NID1: variants seen among roughly 807,000 people sequenced by gnomAD.
NID1 encodes the protein nidogen-1.
A neutral mutation model predicts 130.6 loss-of-function variants in NID1; 76 were observed. The observed-to-expected ratio is 0.58, with a 90% CI of 0.48 to 0.70. The LOEUF (loss-of-function observed/expected upper bound fraction) is 0.70. Among genes scored for constraint, NID1 ranks in the 30% least tolerant of loss-of-function variants. NID1 has a pLI of 0.00. For synonymous variants in NID1, 665 were observed against 675.1 expected (o/e 0.98, Z 0.23); for missense variants, 1,517 against 1,664.8 (o/e 0.91, Z 1.54).
In NID1 at chr1:235,991,045, C is replaced by A; in HGVS notation, c.2769G>T (p.Val923=). The A allele has an allele frequency of 3.1e-6, 5 of 1,598,308 alleles. 1 individual carries two copies. The South Asian group carries it at 5.7e-5, about 18-fold the overall frequency. ...CAGGTCCTTGGTGAATCGGGGGAGC[C>A]ACTGTACTCAGACCTGCATGGCAGA... ...PGMTPPCLST[V]APPIHQGPAV... The change falls in exon 14 of 20, where the codon GTG becomes GTT. Residue 923 remains valine, a synonymous_variant. Coordinates refer to ENST00000264187, the MANE Select transcript of NID1 (RefSeq NM_002508.3).
At chr1:236,024,779 G>A (rs530396060) in intron 8 of NID1, among the ~76,000 whole-genome samples, 2 of 152,316 alleles carry the variant, frequency 1.3e-5, no homozygotes, top group South Asian at 2.1e-4. Flanking sequence ...CAAATGTGAA[G>A]TCTGACACTG....
intron 15 of NID1, among the ~76,000 whole-genome samples, chr1:235,984,697 C>T (rs1012274211): frequency 3.9e-5 from 6 of 152,146 alleles, no homozygotes; most frequent in African/African-American, 1.4e-4. Context: ...AATACTTGAC[C>T]ATTTCAGCAC....
chr1:236,052,363 G>A (rs1043159193), intron 1 of NID1, among the ~76,000 whole-genome samples: 4 of 152,180 alleles, frequency 2.6e-5, no homozygotes, highest in Admixed American at 1.3e-4. Flanking sequence ...CAGGCAGGAG[G>A]AGGCACAGAC....
intron 1 of NID1, among the ~76,000 whole-genome samples, chr1:236,063,567 G>C (rs1660106267): frequency 6.6e-6 from 1 of 151,672 alleles, no homozygotes; most frequent in South Asian, 2.1e-4. Context: ...TTAATATTTT[G>C]ATCTGTATTT....
At chr1:236,059,969 A>G (rs924000883) in intron 1 of NID1, among the ~76,000 whole-genome samples, 1 of 152,006 alleles carries the variant, frequency 6.6e-6, no homozygotes, top group African/African-American at 2.4e-5. Flanking sequence ...GCGTGTTGGC[A>G]TGTGCCTGTA....
intron 5 of NID1, among the ~76,000 whole-genome samples, chr1:236,035,814 C>T (rs3768083): frequency 0.014 from 2,164 of 152,136 alleles, 20 homozygotes; most frequent in South Asian, 0.016. Context: ...ATCATTACTC[C>T]GGGGAACACT....
chr1:236,002,552 C>T (rs1488518674), intron 12 of NID1, among the ~76,000 whole-genome samples: 3 of 151,980 alleles, frequency 2.0e-5, no homozygotes, highest in Admixed American at 6.6e-5. Flanking sequence ...GATAAATCTG[C>T]GGTGTGTCCA....
Position 236,038,261 on chromosome 1 carries a change from A to G in NID1, c.1136-8T>C. The G allele has an allele frequency of 6.2e-7, 1 of 1,611,600 alleles. No homozygotes were observed. Among genetic ancestry groups the G allele is most frequent in the Non-Finnish European group, 8.5e-7 (1 of 1,178,282 alleles). On this transcript the variant is annotated splice_region_variant and splice_polypyrimidine_tract_variant and intron_variant, in intron 4 of 19. Transcript: ENST00000264187. ...CCGTGTTATAGCTGAAAACTGGTCCAAGAAAACAATTGCACACCTGTAAGC... is the reference window on the plus strand; with the variant it reads ...CCGTGTTATAGCTGAAAACTGGTCCGAGAAAACAATTGCACACCTGTAAGC...
chr1:236,002,765 C>G (rs1055824461), intron 12 of NID1, among the ~76,000 whole-genome samples: 1 of 152,080 alleles, frequency 6.6e-6, no homozygotes, highest in Non-Finnish European at 1.5e-5. Context: ...GCGATCACTC[C>G]GCGGATTTGG....
In NID1 at chr1:235,990,942, G is replaced by A. The variant is rs775238214; in HGVS notation, c.2872C>T (p.Pro958Ser). ...FAQTGKIERL[P>S]LEGNTMRKTE... ...TTCCTCATGGTATTTCCCTCCAGGG[G>A]CAGGCGCTCAATCTTCCCAGTCTGG... is the stretch of plus-strand genomic sequence containing the variant. The change falls in exon 14 of 20, where the codon CCC (proline) becomes TCC (serine). Residue 958 changes from proline (P) to serine (S), a missense_variant. Transcript: ENST00000264187. 2 of 1,614,148 alleles carry A rather than the reference G, an allele frequency of 1.2e-6. No homozygotes were observed. Among genetic ancestry groups the A allele is most frequent in the Admixed American group, 1.7e-5 (1 of 60,016 alleles).
chr1:236,018,710 A>T (rs1459208422), intron 9 of NID1, among the ~76,000 whole-genome samples: 1 of 152,228 alleles, frequency 6.6e-6, no homozygotes, highest in Non-Finnish European at 1.5e-5. Context: ...AAGTGCTGGG[A>T]TTACAGGCGT....
Position 236,045,500 on chromosome 1 carries a change from T to C in NID1, c.709A>G (p.Asn237Asp), listed in dbSNP as rs1040199700. 1.9e-6 allele frequency: 3 copies of C among 1,614,180 alleles called. No individual in the cohort carries two copies. The highest frequency in any genetic ancestry group is 8.5e-7 in the Non-Finnish European group (1 of 1,180,042). Residue 237 changes from asparagine (N) to aspartate (D), a missense_variant, in exon 3 of 20, where the codon AAC (asparagine) becomes GAC (aspartate). Transcript: ENST00000264187. The stretch of plus-strand genomic sequence containing the variant: ...GATTCCCTGTCATTAGCAAATATGT[T>C]ATAAGCTCCGTTGCTCTTCCATAAG... ...GFLWKSNGAY[N>D]IFANDRESVE...
chr1:236,059,166 C>T (rs186110733), intron 1 of NID1, among the ~76,000 whole-genome samples: 32 of 152,282 alleles, frequency 2.1e-4, no homozygotes, highest in African/African-American at 7.5e-4. Context: ...GAGTCCGTAA[C>T]CCGTGCTCTT....
rs201024490 is a variant in NID1 at position 236,042,225 on chromosome 1, C to T, written c.820G>A (p.Val274Met). Residue 274 changes from valine (V) to methionine (M), a missense_variant, in exon 4 of 20, where the codon GTG (valine) becomes ATG (methionine). Around this residue, in one of 3 missense-constraint regions of NID1, gnomAD observed 1,329 missense variants for 1,429.2 expected, o/e 0.93. Coordinates refer to ENST00000264187, the MANE Select transcript of NID1 (RefSeq NM_002508.3). The part of the protein sequence containing the change: ...EIGSPATTNG[V>M]VPADVILGTE... The stretch of plus-strand genomic sequence containing the variant: ...CCGAGGATCACGTCTGCAGGCACCA[C>T]GCCATTGGTGGTGGCTGGACTCCCA... 9.4e-5 allele frequency: 152 copies of T among 1,612,190 alleles called. 2 individuals carry two copies. In the South Asian group the frequency reaches 1.5e-3, roughly 16 times the overall value.
intron 1 of NID1, among the ~76,000 whole-genome samples, chr1:236,051,432 C>T (rs1441222660): frequency 2.6e-5 from 4 of 152,166 alleles, no homozygotes; most frequent in South Asian, 2.1e-4. Context: ...TGTGCAGAAC[C>T]GATTGGCACC....
intron 14 of NID1, among the ~76,000 whole-genome samples, chr1:235,986,761 C>A (rs1199228042): frequency 6.6e-6 from 1 of 152,228 alleles, no homozygotes; most frequent in Non-Finnish European, 1.5e-5. Context: ...TGCGCCCAGA[C>A]AAGGCTGTGC....
intron 14 of NID1, among the ~76,000 whole-genome samples, chr1:235,985,750 G>GTA (rs1265250404): frequency 5.4e-5 from 8 of 147,614 alleles, no homozygotes; most frequent in African/African-American, 1.8e-4. Flanking sequence ...GTGTGTGTGT[G>GTA]TGTGTATATA....
rs770056148 is a variant in NID1 at position 235,979,031 on chromosome 1, A to T, written c.3586T>A (p.Tyr1196Asn). 1.0e-4 allele frequency: 162 copies of T among 1,613,952 alleles called. No homozygotes were observed. The highest frequency in any genetic ancestry group is 1.3e-4 in the Non-Finnish European group (153 of 1,179,964). Residue 1196 changes from tyrosine (Y) to asparagine (N), a missense_variant, in exon 19 of 20, where the codon TAT becomes AAT. Transcript: ENST00000264187. The surrounding 1 kb of genome is among the most constrained non-coding windows in gnomAD (Gnocchi z 4.6). ...AFQPHKQTRL[Y>N]GITTALSQCP... ...TGAGACAGGGCCGTGGTGATGCCAT[A>T]CAGCCGGGTCTGCTTGTGGGGTTGG...
intron 12 of NID1, among the ~76,000 whole-genome samples, chr1:236,011,462 C>G (rs116496947): frequency 6.6e-6 from 1 of 152,082 alleles, no homozygotes; most frequent in African/African-American, 2.4e-5. Context: ...GCCACTACGC[C>G]TGACTAATTT....
Sources: allele counts gnomAD v4.1 joint callset (sites outside exome capture counted in the v4.1 genomes callset), GRCh38; gene constraint gnomAD v4.1.1; regional missense constraint gnomAD v4.1.1; non-coding constraint Gnocchi (gnomAD v3.1); transcripts MANE v1.5; gene names NCBI Gene and HGNC (gene_info 2026-07-23, HGNC 2026-07-21).